Variants in RAE1 observed in about 807,000 individuals in gnomAD.
RAE1 encodes the protein ribonucleic acid export 1, also known as mRNA export factor RAE1.
RAE1 carries 13 observed loss-of-function variants against 52.7 expected under a neutral mutation model. That is an observed-to-expected ratio of 0.25 (90% CI 0.16 to 0.39). RAE1 has a LOEUF of 0.39. Among genes scored for constraint, RAE1 ranks in the 10% least tolerant of loss-of-function variants. The pLI, the probability that RAE1 is intolerant of heterozygous loss-of-function variation, is 1.00. For missense variants in RAE1, 262 were observed against 459.8 expected (o/e 0.57, Z 3.93); for synonymous variants, 164 against 153.1 (o/e 1.07, Z -0.52).
intron 4 of RAE1, among the ~76,000 whole-genome samples, chr20:57,362,102 C>T (rs919180465): frequency 8.5e-5 from 13 of 152,230 alleles, no homozygotes; most frequent in Non-Finnish European, 1.8e-4. Flanking sequence ...AAACCATACC[C>T]TCACTTCACC....
chr20:57,377,394 G>C (rs2067131383), intron 11 of RAE1, among the ~76,000 whole-genome samples: 1 of 152,096 alleles, frequency 6.6e-6, no homozygotes, highest in Non-Finnish European at 1.5e-5. Context: ...CTTTTCCCTG[G>C]GGAATAACGT....
At chr20:57,363,334 G>A (rs2066914144) in intron 4 of RAE1, among the ~76,000 whole-genome samples, 1 of 152,108 alleles carries the variant, frequency 6.6e-6, no homozygotes. Flanking sequence ...GCAACGTAAG[G>A]AGACCCGGTC....
At chr20:57,366,067 A>G (rs1194559884) in intron 5 of RAE1, among the ~76,000 whole-genome samples, 1 of 152,184 alleles carries the variant, frequency 6.6e-6, no homozygotes, top group Non-Finnish European at 1.5e-5. Flanking sequence ...TGTGTGCTAG[A>G]AACATCTCAT....
At chr20:57,359,140 A>AGCATTACCAGTATTAGAGGC in intron 4 of RAE1, 1 of 709,044 alleles carries the variant, frequency 1.4e-6, no homozygotes, top group Non-Finnish European at 2.1e-6. Flanking sequence ...TAGTGCCTCT[A>AGCATTACCAGTATTAGAGGC]ATACTGGTAA....
At chr20:57,371,886 C>G (rs1255489763) in intron 8 of RAE1, 1 of 152,122 alleles carries the variant, frequency 6.6e-6, no homozygotes, top group African/African-American at 2.4e-5. Flanking sequence ...ACGTGGGTGA[C>G]CATGAAGGAG....
chr20:57,374,197 G>A (rs949252565), intron 10 of RAE1, among the ~76,000 whole-genome samples: 6 of 152,124 alleles, frequency 3.9e-5, no homozygotes, highest in African/African-American at 1.4e-4. Context: ...CTGTGTTAAC[G>A]TGCCGCCTAA....
intron 4 of RAE1, chr20:57,359,025 C>G: frequency 6.6e-7 from 1 of 1,520,254 alleles, no homozygotes; most frequent in Non-Finnish European, 8.8e-7. Context: ...GACAGCTGAA[C>G]CTTCGTGTGG....
chr20:57,363,486 C>T (rs949412076), intron 4 of RAE1, among the ~76,000 whole-genome samples: 1 of 152,084 alleles, frequency 6.6e-6, no homozygotes, highest in East Asian at 1.9e-4. Flanking sequence ...GCATTCCAGC[C>T]TGGCAACAAC....
chr20:57,365,207 T>C (rs905283477), intron 4 of RAE1, 149 bp from the exon 5 acceptor site: 1 of 481,244 alleles, frequency 2.1e-6, no homozygotes, highest in Non-Finnish European at 3.6e-6. Flanking sequence ...TGTATGATGC[T>C]GTAGTTTGCA....
At chr20:57,359,981 G>A (rs1487114873) in intron 4 of RAE1, 1 of 152,158 alleles carries the variant, frequency 6.6e-6, no homozygotes, top group Non-Finnish European at 1.5e-5. Context: ...GAGGTTTGGG[G>A]CTAGAGTTGT....
chr20:57,370,246 A>ACT (rs2067016190), intron 8 of RAE1, among the ~76,000 whole-genome samples: 1 of 152,182 alleles, frequency 6.6e-6, no homozygotes, highest in African/African-American at 2.4e-5. Flanking sequence ...TTTTGGCGTG[A>ACT]CTACCAGTGG....
Position 57,351,384 on chromosome 20 carries a change from G to A in RAE1, c.-46G>A. On this transcript the variant is annotated 5_prime_UTR_variant, in exon 1 of 12. Coordinates refer to ENST00000395841, the MANE Select transcript of RAE1 (RefSeq NM_003610.4). ...GTTCGCAAACTCCTCAGACCCTTCTGCTCCCGGCCGCCGCTTTCCGCCGGG... is the reference window on the plus strand; with the variant it reads ...GTTCGCAAACTCCTCAGACCCTTCTACTCCCGGCCGCCGCTTTCCGCCGGG... The A allele has an allele frequency of 2.0e-6, 2 of 985,462 alleles. No homozygotes were observed. The highest frequency in any genetic ancestry group is 2.4e-6 in the Non-Finnish European group (2 of 829,944). The allele number at this position is 985,462 out of a possible 1,614,324, so 61.0% of individuals were successfully genotyped here.
At position 57,354,717 on chromosome 20, in the gene RAE1, T is replaced by C. The variant is rs368269358; in HGVS notation, c.96T>C (p.Ile32=). 1.3e-5 allele frequency: 21 copies of C among 1,574,326 alleles called. No individual in the cohort carries two copies. In the African/African-American group the frequency reaches 2.8e-4, roughly 21 times the overall value. Residue 32 remains isoleucine (I), a synonymous_variant, in exon 3 of 12, where the codon ATT becomes ATC. Coordinates refer to ENST00000395841, the MANE Select transcript of RAE1 (RefSeq NM_003610.4). ...TTDNHNPMKD[I]EVTSSPDDSI... ...CATTGACTTTTTTCCCGCAGGATATTGAAGTAACATCATCTCCTGATGATA... is the reference window on the plus strand; with the variant it reads ...CATTGACTTTTTTCCCGCAGGATATCGAAGTAACATCATCTCCTGATGATA...
In RAE1 at chr20:57,368,699, C is replaced by T. The variant is rs1483666738; in HGVS notation, c.535-6C>T. ...AAGCGCATCTCTGTTTTCTTCCATT[C>T]CCTAGATATACCCCATGGCTGTGGT... On this transcript the variant is annotated splice_region_variant and splice_polypyrimidine_tract_variant and intron_variant, in intron 7 of 11. Transcript: ENST00000395841. The T allele has an allele frequency of 5.0e-6, 8 of 1,599,080 alleles. No homozygotes were observed. The highest frequency in any genetic ancestry group is 6.0e-6 in the Non-Finnish European group (7 of 1,167,054).
intron 8 of RAE1, chr20:57,372,867 T>A (rs2067056302): frequency 6.6e-6 from 1 of 152,604 alleles, no homozygotes; most frequent in African/African-American, 2.4e-5. Context: ...ACTCCAAAGT[T>A]GGCTTCTCCT....
In RAE1 at chr20:57,358,991, C is replaced by G. The variant is rs755719552; in HGVS notation, c.288+2453C>G. ...TATATCCGCCTCTTCACGGATAGAT[C>G]AATTTCACTGGTTGAAAGTAAGAGA... On this transcript the variant is annotated intron_variant, in intron 4 of 11. Coordinates refer to ENST00000395841, the MANE Select transcript of RAE1 (RefSeq NM_003610.4). 7.3e-6 allele frequency: 11 copies of G among 1,509,226 alleles called. No individual in the cohort carries two copies. In the African/African-American group the frequency reaches 1.3e-4, roughly 17 times the overall value. The allele number at this position is 1,509,226 out of a possible 1,614,324, so 93.5% of individuals were successfully genotyped here.
chr20:57,362,966 A>AG (rs1440518499), intron 4 of RAE1, among the ~76,000 whole-genome samples: 1 of 152,106 alleles, frequency 6.6e-6, no homozygotes. Flanking sequence ...TTTTTAGTAG[A>AG]GATGGGGTTT....
chr20:57,374,850 G>A, intron 11 of RAE1, 49 bp downstream of exon 11: 2 of 1,606,480 alleles, frequency 1.2e-6, no homozygotes, highest in Non-Finnish European at 1.7e-6. Context: ...GCAGAGCCAG[G>A]CTCTGGGTTC....
chr20:57,360,162 C>T (rs1319674718), intron 4 of RAE1, among the ~76,000 whole-genome samples: 2 of 152,218 alleles, frequency 1.3e-5, no homozygotes, highest in Admixed American at 6.5e-5. Context: ...GAGTAGTATT[C>T]GAGGAAGGTG....
Sources: allele counts gnomAD v4.1 joint callset (sites outside exome capture counted in the v4.1 genomes callset), GRCh38; gene constraint gnomAD v4.1.1; transcripts MANE v1.5; gene names NCBI Gene and HGNC (gene_info 2026-07-23, HGNC 2026-07-21).